The following SLC12A5 variants were observed in gnomAD, a reference collection of about 807,000 sequenced individuals.
SLC12A5 encodes K-Cl cotransporter 2.
Under a neutral mutation model 124.0 loss-of-function variants are expected in SLC12A5, and 18 were observed. The ratio of observed to expected loss-of-function variants is 0.15; its 90% CI spans 0.10 to 0.22. SLC12A5 has a LOEUF of 0.22. SLC12A5 is among the 10% of genes least tolerant of loss of function. The pLI is 1.00. For missense variants in SLC12A5, 867 were observed against 1,478.7 expected (o/e 0.59, Z 6.78); for synonymous variants, 589 against 568.0 (o/e 1.04, Z -0.53).
chr20:46,034,064 A>G (rs1480737063), intron 1 of SLC12A5, among the ~76,000 whole-genome samples: 5 of 151,970 alleles, frequency 3.3e-5, no homozygotes, highest in Non-Finnish European at 5.9e-5. Context: ...TTCCCTTCCC[A>G]GGCTCACCTT....
At chr20:46,021,874 G>A (rs1378078277) in exon 1 of SLC12A5, 8 of 1,529,420 alleles carry the variant, frequency 5.2e-6, no homozygotes, top group Non-Finnish European at 6.1e-6. Flanking sequence ...CCTCCCGGGG[G>A]AAGACGTCAA....
At position 46,057,142 on chromosome 20, in the gene SLC12A5, C is replaced by T; in HGVS notation, c.3126-28C>T. 2 of 1,612,504 alleles carry T rather than the reference C, an allele frequency of 1.2e-6. No individual in the cohort carries two copies. The highest frequency in any genetic ancestry group is 1.1e-5 in the South Asian group (1 of 91,036). On this transcript the variant is annotated intron_variant, in intron 24 of 25. Transcript: ENST00000243964. The surrounding 1 kb of genome is among the most constrained non-coding windows in gnomAD (Gnocchi z 7.1). ...ATCTTCTCTACCCCCCCGGCTCACG[C>T]GGTCTCCACTCCTCCTTCCTGCCGC... is the stretch of plus-strand genomic sequence containing the variant.
chr20:46,022,667 T>C (rs2084365011), intron 1 of SLC12A5: 1 of 396,718 alleles, frequency 2.5e-6, no homozygotes, highest in Admixed American at 4.4e-5. Flanking sequence ...GCTCCTTGTC[T>C]GCTCGAGCTC....
rs2084494548 is a variant in SLC12A5 at position 46,035,936 on chromosome 20, C to G, written c.426+13C>G. On this transcript the variant is annotated intron_variant, in intron 4 of 25. Transcript: ENST00000243964. The stretch of plus-strand genomic sequence containing the variant: ...CTGCTGCTCCTGTGTGAGTGACACC[C>G]CTCCCCTCACCACCCCCTGACAGCT... 3.8e-6 allele frequency: 6 copies of G among 1,598,576 alleles called. No homozygotes were observed. The highest frequency in any genetic ancestry group is 2.7e-5 in the African/African-American group (2 of 74,746).
At position 46,045,961 on chromosome 20, in the gene SLC12A5, T is replaced by G. The variant is rs765943403; in HGVS notation, c.1653T>G (p.Ile551Met). The change falls in exon 13 of 26, where the codon ATT (isoleucine) becomes ATG (methionine). Residue 551 changes from isoleucine (I) to methionine (M), a missense_variant. Transcript: ENST00000243964. The surrounding 1 kb of genome is among the most constrained non-coding windows in gnomAD (Gnocchi z 4.9). Reference sequence around the variant, plus strand: ...GCATCTGCGAGATTGGCATCCTCATTGCATCCCTCGACGAGGTGGCCCCCA... The same window carrying G: ...GCATCTGCGAGATTGGCATCCTCATGGCATCCCTCGACGAGGTGGCCCCCA... ...TACICEIGIL[I>M]ASLDEVAPIL... The G allele has an allele frequency of 1.1e-5, 18 of 1,614,172 alleles. No individual in the cohort carries two copies. Among genetic ancestry groups the G allele is most frequent in the Non-Finnish European group, 1.4e-5 (16 of 1,180,014 alleles).
chr20:46,028,720 A>G (rs1299125943), upstream of SLC12A5, among the ~76,000 whole-genome samples: 1 of 152,126 alleles, frequency 6.6e-6, no homozygotes, highest in East Asian at 1.9e-4. Flanking sequence ...CCAGTCTTGC[A>G]GAGAGGCTTC....
In SLC12A5 at chr20:46,060,089, G is replaced by A. The variant is rs893956873; in HGVS notation, c.*2484G>A. On this transcript the variant is annotated 3_prime_UTR_variant, in exon 26 of 26. Coordinates refer to ENST00000243964, the MANE Select transcript of SLC12A5 (RefSeq NM_020708.5). ...CATTTAATGCTTTATGGCTTTTACT[G>A]TGTTACTTTTTTAGACTCCCGTCTG... 1.9e-5 allele frequency: 3 copies of A among 155,030 alleles called. No individual in the cohort carries two copies. Among genetic ancestry groups the A allele is most frequent in the Non-Finnish European group, 4.3e-5 (3 of 69,812 alleles). 9.6% of individuals were successfully genotyped at this position (155,030 alleles called of 1,614,324 possible).
At position 46,057,015 on chromosome 20, in the gene SLC12A5, C is replaced by A. The variant is rs904763695; in HGVS notation, c.3125+104C>A. On this transcript the variant is annotated intron_variant, in intron 24 of 25. Transcript: ENST00000243964. The surrounding 1 kb of genome is among the most constrained non-coding windows in gnomAD (Gnocchi z 7.1). ...TAATTGGTGCCACGACCTCTGGGAT[C>A]TCTGAATAGCCTAGCCTGGAGATGT... 29 of 1,592,322 alleles carry A rather than the reference C, an allele frequency of 1.8e-5. No homozygotes were observed. In the East Asian group the frequency reaches 2.7e-4, roughly 15 times the overall value.
upstream of SLC12A5, chr20:46,028,974 G>A (rs573592789): frequency 1.4e-5 from 4 of 295,710 alleles, no homozygotes; most frequent in Non-Finnish European, 2.2e-5. Context: ...CCTGTCCCCC[G>A]AAGCACCCCC....
At chr20:46,027,578 C>G (rs2084410885), upstream of SLC12A5, 1 of 152,234 alleles carries the variant, frequency 6.6e-6, no homozygotes, top group Admixed American at 6.5e-5. Flanking sequence ...CCCTGCACCT[C>G]TGAAGCCTGA....
Position 46,059,367 on chromosome 20 carries a change from C to T in SLC12A5, c.*1762C>T, listed in dbSNP as rs953644220. ...TGGAGGTCTGCCAGTTACACCAAGTCCCCTCTGAGATTCGATCAGGGGACT... is the reference window on the plus strand; with the variant it reads ...TGGAGGTCTGCCAGTTACACCAAGTTCCCTCTGAGATTCGATCAGGGGACT... On this transcript the variant is annotated 3_prime_UTR_variant, in exon 26 of 26. Coordinates refer to ENST00000243964, the MANE Select transcript of SLC12A5 (RefSeq NM_020708.5). 1.8e-5 allele frequency: 7 copies of T among 389,926 alleles called. No homozygotes were observed. The highest frequency in any genetic ancestry group is 8.9e-5 in the Admixed American group (2 of 22,424). 24.2% of individuals were successfully genotyped at this position (389,926 alleles called of 1,614,324 possible).
chr20:46,046,073 C>T, intron 13 of SLC12A5, 77 bp downstream of exon 13: 2 of 1,373,450 alleles, frequency 1.5e-6, no homozygotes, highest in South Asian at 1.2e-5. Context: ...TTACCTGTGA[C>T]AACCCACCCA....
At chr20:46,041,690 C>A in intron 8 of SLC12A5, 150 bp downstream of exon 8, 1 of 794,662 alleles carries the variant, frequency 1.3e-6, no homozygotes, top group Non-Finnish European at 2.0e-6. Flanking sequence ...TCCTTGGCAT[C>A]AGGGAGGAGT....
chr20:46,045,763 C>G lies in SLC12A5; in HGVS notation c.1570-115C>G. On this transcript the variant is annotated intron_variant, in intron 12 of 25. Transcript: ENST00000243964. This position sits in a 1 kb window ranked among gnomAD's most constrained non-coding sequence, Gnocchi z 4.9. ...GGAGGAAGAGAAATGCATCCTCTCC[C>G]TTCCTCCTCTTTGGTGATAGGATTC... The G allele has an allele frequency of 1.3e-6, 1 of 769,646 alleles. No homozygotes were observed. The highest frequency in any genetic ancestry group is 2.2e-6 in the Non-Finnish European group (1 of 464,914). 47.7% of individuals were successfully genotyped at this position (769,646 alleles called of 1,614,324 possible).
intron 3 of SLC12A5, 116 bp from the exon 4 acceptor site, chr20:46,035,661 A>C (rs2084491558): frequency 2.0e-6 from 3 of 1,510,184 alleles, no homozygotes; most frequent in Non-Finnish European, 2.7e-6. Flanking sequence ...AAGAGGGATG[A>C]AGGGTTGAGA....
chr20:46,036,841 G>A (rs2084503133), intron 5 of SLC12A5, 46 bp downstream of exon 5: 1 of 1,609,808 alleles, frequency 6.2e-7, no homozygotes, highest in Non-Finnish European at 8.5e-7. Context: ...CTGGGTGGAA[G>A]GAGGGATAGT....
At position 46,051,564 on chromosome 20, in the gene SLC12A5, A is replaced by C. The variant is rs1011521196; in HGVS notation, c.2182-111A>C. ...ACTGACGTGATCAGAGCTGAGCTTC[A>C]GGAAGATTGGGATGAAAGGAGGGGA... On this transcript the variant is annotated intron_variant, in intron 17 of 25. Coordinates refer to ENST00000243964, the MANE Select transcript of SLC12A5 (RefSeq NM_020708.5). The C allele has an allele frequency of 2.9e-6, 3 of 1,017,256 alleles. No homozygotes were observed. The African/African-American group carries it at 5.0e-5, about 17-fold the overall frequency. 63.0% of individuals were successfully genotyped at this position (1,017,256 alleles called of 1,614,324 possible).
In SLC12A5 at chr20:46,058,977, C is replaced by G; in HGVS notation, c.*1372C>G. On this transcript the variant is annotated 3_prime_UTR_variant, in exon 26 of 26. Coordinates refer to ENST00000243964, the MANE Select transcript of SLC12A5 (RefSeq NM_020708.5). The surrounding 1 kb of genome is among the most constrained non-coding windows in gnomAD (Gnocchi z 5.8). ...CACGCGCTTTGTCCTTAGCGCCTGTCTGCTCTCCTCTAACTAGGACCCAGG... is the reference window on the plus strand; with the variant it reads ...CACGCGCTTTGTCCTTAGCGCCTGTGTGCTCTCCTCTAACTAGGACCCAGG... 5.4e-6 allele frequency: 2 copies of G among 370,848 alleles called. No individual in the cohort carries two copies. Among genetic ancestry groups the G allele is most frequent in the Non-Finnish European group, 9.6e-6 (2 of 209,224 alleles). 23.0% of individuals were successfully genotyped at this position (370,848 alleles called of 1,614,324 possible).
chr20:46,032,432 G>A (rs1163996912), intron 1 of SLC12A5, among the ~76,000 whole-genome samples: 1 of 152,218 alleles, frequency 6.6e-6, no homozygotes, highest in Non-Finnish European at 1.5e-5. Context: ...AAAATCTTGC[G>A]GCTGGATATG....
Sources: allele counts gnomAD v4.1 joint callset (sites outside exome capture counted in the v4.1 genomes callset), GRCh38; gene constraint gnomAD v4.1.1; non-coding constraint Gnocchi (gnomAD v3.1); transcripts MANE v1.5; gene names NCBI Gene and HGNC (gene_info 2026-07-23, HGNC 2026-07-21).